Variants in USP34 observed in about 807,000 individuals in gnomAD.
The protein encoded by USP34 is ubiquitin specific peptidase 34, also known as ubiquitin carboxyl-terminal hydrolase 34.
A neutral mutation model predicts 460.3 loss-of-function variants in USP34; 70 were observed. The observed-to-expected ratio is 0.15, with a 90% CI of 0.13 to 0.19. The LOEUF (loss-of-function observed/expected upper bound fraction) is 0.19, where lower values mean the gene tolerates loss of function less well. USP34 is among the 10% of genes least tolerant of loss of function. The pLI, the probability that USP34 is intolerant of heterozygous loss-of-function variation, is 1.00. For missense variants in USP34, 3,985 were observed against 4,236.2 expected (o/e 0.94, Z 1.65); for synonymous variants, 1,647 against 1,405.3 (o/e 1.17, Z -3.85).
At chr2:61,442,018 C>G (rs1261755489) in intron 1 of USP34, among the ~76,000 whole-genome samples, 1 of 152,050 alleles carries the variant, frequency 6.6e-6, no homozygotes, top group African/African-American at 2.4e-5. Flanking sequence ...AGAATGTTCA[C>G]TGGGGAAAGG....
At chr2:61,265,155 C>T in intron 43 of USP34, 1 of 417,112 alleles carries the variant, frequency 2.4e-6, no homozygotes, top group Non-Finnish European at 4.2e-6. Context: ...TCATTGTATA[C>T]ACTGAGCATG....
chr2:61,265,863 C>T (rs1689030728), intron 42 of USP34, 121 bp downstream of exon 42: 3 of 961,298 alleles, frequency 3.1e-6, no homozygotes, highest in East Asian at 5.7e-5. Context: ...TAACACCCTA[C>T]CAATAATCAT....
At chr2:61,295,076 G>A (rs772577287) in intron 31 of USP34, 44 bp from the exon 32 acceptor site, 9 of 1,602,006 alleles carry the variant, frequency 5.6e-6, no homozygotes, top group Non-Finnish European at 6.8e-6. Context: ...GCGGAAGAAA[G>A]AATTATTATA....
intron 1 of USP34, among the ~76,000 whole-genome samples, chr2:61,454,020 A>G (rs960974982): frequency 1.3e-5 from 2 of 152,186 alleles, no homozygotes; most frequent in African/African-American, 4.8e-5. Flanking sequence ...CAGTTTATAC[A>G]TATTCACAGA....
At chr2:61,363,190 T>G (rs1692325778) in intron 10 of USP34, among the ~76,000 whole-genome samples, 1 of 152,100 alleles carries the variant, frequency 6.6e-6, no homozygotes, top group Non-Finnish European at 1.5e-5. Flanking sequence ...AGCTGAATTT[T>G]TTTTCAAAAT....
At chr2:61,223,744 G>GC (rs1267920202) in intron 62 of USP34, 1 of 160,948 alleles carries the variant, frequency 6.2e-6, no homozygotes, top group Non-Finnish European at 1.4e-5. Context: ...TGTGATCGCA[G>GC]CTCACTGCAG....
At chr2:61,349,709 C>T (rs1239256915) in intron 12 of USP34, among the ~76,000 whole-genome samples, 2 of 151,892 alleles carry the variant, frequency 1.3e-5, no homozygotes, top group South Asian at 2.1e-4. Flanking sequence ...GGCGTGGTGG[C>T]GGGCACCTGT....
intron 75 of USP34, among the ~76,000 whole-genome samples, chr2:61,198,236 C>T (rs969795237): frequency 2.6e-5 from 4 of 152,080 alleles, no homozygotes; most frequent in African/African-American, 9.7e-5. Flanking sequence ...GTACTAAGAG[C>T]GATTTTCCCC....
At chr2:61,265,643 C>G in intron 42 of USP34, 86 bp from the exon 43 acceptor site, 2 of 1,246,482 alleles carry the variant, frequency 1.6e-6, no homozygotes, top group Non-Finnish European at 2.2e-6. Flanking sequence ...GCCTCTACCT[C>G]CATTAGTTAC....
intron 1 of USP34, among the ~76,000 whole-genome samples, chr2:61,467,706 G>A (rs185403216): frequency 2.2e-5 from 3 of 133,640 alleles, no homozygotes; most frequent in African/African-American, 5.6e-5. Flanking sequence ...TGCAACCTCC[G>A]CCTACCAGGG....
chr2:61,346,512 T>G (rs867869600), intron 15 of USP34, among the ~76,000 whole-genome samples: 16 of 108,970 alleles, frequency 1.5e-4, no homozygotes, highest in African/African-American at 5.9e-4. Context: ...GGTGACAAAG[T>G]GAGACCCTAT....
chr2:61,232,124 A>C (rs1687923849), intron 58 of USP34, among the ~76,000 whole-genome samples: 1 of 152,166 alleles, frequency 6.6e-6, no homozygotes, highest in Non-Finnish European at 1.5e-5. Context: ...TACCATGGTT[A>C]GAATGTGTAA....
rs1164122795 is a variant in USP34, at chr2:61,265,472, A to G, written c.5703T>C (p.Ala1901=). 6.2e-7 allele frequency: 1 copy of G among 1,613,748 alleles called. No homozygotes were observed. The highest frequency in any genetic ancestry group is 8.5e-7 in the Non-Finnish European group (1 of 1,179,906). ...CRFVGLTNLG[A]TCYLASTIQQ... ...GAATAGTAGAAGCTAAGTAACAAGT[A>G]GCTCCAAGGTTAGTAAGGCCAACAA... The change falls in exon 43 of 80, where the codon GCT becomes GCC. Residue 1901 remains alanine (A), a synonymous_variant. Transcript: ENST00000398571.
intron 35 of USP34, 48 bp from the exon 36 acceptor site, chr2:61,283,497 T>G (rs760258865): frequency 3.7e-5 from 57 of 1,561,538 alleles, no homozygotes; most frequent in Non-Finnish European, 4.7e-5. Context: ...AGCAATGAAT[T>G]AAAAATAATT....
intron 33 of USP34, among the ~76,000 whole-genome samples, chr2:61,289,090 A>G (rs1689774197): frequency 6.6e-6 from 1 of 152,202 alleles, no homozygotes; most frequent in Non-Finnish European, 1.5e-5. Context: ...AGGGTATACA[A>G]GATGTATTTA....
chr2:61,330,434 G>A (rs760547773), intron 20 of USP34, among the ~76,000 whole-genome samples: 2 of 152,198 alleles, frequency 1.3e-5, no homozygotes, highest in African/African-American at 2.4e-5. Context: ...ATCTAGAGAA[G>A]TAACTGATTT....
At position 61,318,179 on chromosome 2, in the gene USP34, C is replaced by T. The variant is rs183808695; in HGVS notation, c.3169-412G>A. Among the ~76,000 whole-genome samples, 355 of 112,756 alleles carry T rather than the reference C, an allele frequency of 3.1e-3. 2 individuals carry two copies. Among genetic ancestry groups the T allele is most frequent in the African/African-American group, 0.01 (315 of 30,268 alleles). The allele number at this position is 112,756 out of a possible 152,430, so 74.0% of individuals were successfully genotyped here. Reference sequence around the variant, plus strand: ...CTGCACTCCAGCCTTGGAGACAGAGCAAGCCCATCTCAAAAAAAAAAAAAA... The same window carrying T: ...CTGCACTCCAGCCTTGGAGACAGAGTAAGCCCATCTCAAAAAAAAAAAAAA... On this transcript the variant is annotated intron_variant, in intron 22 of 79. Coordinates refer to ENST00000398571, the MANE Select transcript of USP34 (RefSeq NM_014709.4).
intron 29 of USP34, among the ~76,000 whole-genome samples, chr2:61,300,614 A>G (rs1016408463): frequency 1.3e-5 from 2 of 151,500 alleles, no homozygotes; most frequent in Non-Finnish European, 2.9e-5. Flanking sequence ...TGACCAACAC[A>G]GTGAAACCCC....
At chr2:61,231,320 C>T (rs1281394368) in intron 58 of USP34, among the ~76,000 whole-genome samples, 1 of 151,728 alleles carries the variant, frequency 6.6e-6, no homozygotes, top group Non-Finnish European at 1.5e-5. Context: ...GCAAATGTTC[C>T]AAAATTAGGT....
Sources: gnomAD v4.1 joint callset for allele counts (sites outside exome capture counted in the v4.1 genomes callset) on GRCh38, gnomAD v4.1.1 for gene constraint, MANE v1.5 for transcripts, NCBI Gene and HGNC (gene_info 2026-07-23, HGNC 2026-07-21) for gene names.